Variants in SYNPR observed in about 807,000 individuals in gnomAD.
The protein encoded by SYNPR is synaptoporin.
In SYNPR, 23 loss-of-function variants were observed where a neutral mutation model predicts 32.9. The observed-to-expected ratio is 0.70, with a 90% CI of 0.50 to 0.99. The LOEUF (loss-of-function observed/expected upper bound fraction) is 0.99. Among genes scored for constraint, SYNPR ranks in the 50% least tolerant of loss-of-function variants. The pLI is 0.00. For synonymous variants in SYNPR, 146 were observed against 135.9 expected, an observed-to-expected ratio of 1.07 and a Z score of -0.52; for missense variants, 318 against 349.3, an observed-to-expected ratio of 0.91 and a Z score of 0.71.
chr3:63,344,738 G>A (rs1575604726), intron 2 of SYNPR, among the ~76,000 whole-genome samples: 3 of 151,784 alleles, frequency 2.0e-5, no homozygotes, highest in South Asian at 4.2e-4. Flanking sequence ...ATGCAGAGCC[G>A]GCCAAGTGGA....
At chr3:63,530,131 TAGG>T (rs1185334997) in intron 3 of SYNPR, among the ~76,000 whole-genome samples, 1 of 151,858 alleles carries the variant, frequency 6.6e-6, no homozygotes, top group African/African-American at 2.4e-5. Context: ...AAAAACACCC[TAGG>T]AGATGTGAGA....
At chr3:63,555,743 A>AT (rs1702585320) in intron 3 of SYNPR, among the ~76,000 whole-genome samples, 2 of 152,176 alleles carry the variant, frequency 1.3e-5, no homozygotes, top group Admixed American at 6.5e-5. Context: ...AAAAAATGTC[A>AT]GGTGTTTGGG....
chr3:63,511,506 A>G (rs532908467), intron 3 of SYNPR, among the ~76,000 whole-genome samples: 1 of 152,286 alleles, frequency 6.6e-6, no homozygotes, highest in African/African-American at 2.4e-5. Flanking sequence ...TTGGATCCCT[A>G]TAATGCACGT....
intron 2 of SYNPR, among the ~76,000 whole-genome samples, chr3:63,368,353 C>A (rs2087752476): frequency 6.6e-6 from 1 of 152,024 alleles, no homozygotes; most frequent in Non-Finnish European, 1.5e-5. Context: ...AGAAAGAGTG[C>A]AAGAAAGGGC....
chr3:63,325,646 C>T (rs145142672), intron 2 of SYNPR, among the ~76,000 whole-genome samples: 1,674 of 152,132 alleles, frequency 0.011, 39 homozygotes, highest in African/African-American at 0.039. Flanking sequence ...CAACACACTC[C>T]AAATGGAGAC....
chr3:63,240,895 G>A (rs905207633), intron 1 of SYNPR, among the ~76,000 whole-genome samples: 5 of 152,092 alleles, frequency 3.3e-5, no homozygotes, highest in African/African-American at 1.2e-4. Flanking sequence ...ATCCCACTGT[G>A]CCATGAGACT....
chr3:63,384,286 G>A (rs1034604109), intron 2 of SYNPR, among the ~76,000 whole-genome samples: 1 of 152,098 alleles, frequency 6.6e-6, no homozygotes, highest in East Asian at 1.9e-4. Context: ...AGCATCTAGT[G>A]GAATGAGTGC....
chr3:63,577,381 A>G (rs944136229), intron 4 of SYNPR, among the ~76,000 whole-genome samples: 6 of 152,216 alleles, frequency 3.9e-5, no homozygotes, highest in South Asian at 2.1e-4. Context: ...TTGGTTCACC[A>G]AGACCCACAT....
chr3:63,241,715 C>T (rs190113594), intron 1 of SYNPR, among the ~76,000 whole-genome samples: 6 of 152,168 alleles, frequency 3.9e-5, no homozygotes, highest in East Asian at 3.9e-4. Flanking sequence ...CAGGCAATAA[C>T]GAGCCACTCA....
intron 2 of SYNPR, among the ~76,000 whole-genome samples, chr3:63,347,794 A>G (rs929897160): frequency 1.3e-5 from 2 of 152,012 alleles, no homozygotes; most frequent in African/African-American, 4.8e-5. Context: ...TTGCTGCAAA[A>G]GACATGATTT....
At chr3:63,349,906 G>C (rs1410509043) in intron 2 of SYNPR, among the ~76,000 whole-genome samples, 1 of 151,962 alleles carries the variant, frequency 6.6e-6, no homozygotes, top group Non-Finnish European at 1.5e-5. Flanking sequence ...TTTTAACAAA[G>C]GCAAATGCAA....
chr3:63,223,468 C>A (rs142452842), upstream of SYNPR, among the ~76,000 whole-genome samples: 4 of 151,886 alleles, frequency 2.6e-5, no homozygotes, highest in Non-Finnish European at 4.4e-5. Context: ...TGGTGGGAGA[C>A]GGGCTTGGTA....
chr3:63,236,558 A>G (rs2086202538), intron 1 of SYNPR, among the ~76,000 whole-genome samples: 1 of 152,084 alleles, frequency 6.6e-6, no homozygotes, highest in Admixed American at 6.6e-5. Flanking sequence ...CTAGGTTAAC[A>G]TGTTGTAATA....
chr3:63,615,662 C>A lies in SYNPR; in HGVS notation c.*181C>A. 1 of 732,880 alleles carries A rather than the reference C, an allele frequency of 1.4e-6. No individual in the cohort carries two copies. Among genetic ancestry groups the A allele is most frequent in the Non-Finnish European group, 2.1e-6 (1 of 468,110 alleles). 45.4% of individuals were successfully genotyped at this position (732,880 alleles called of 1,614,324 possible). On this transcript the variant is annotated 3_prime_UTR_variant, in exon 6 of 6. Coordinates refer to ENST00000478300, the MANE Select transcript of SYNPR (RefSeq NM_001130003.2). ...TGAAAAATGATACTTAGAGATGAGG[C>A]GACATGAGGAGATATATTATTCATC...
At chr3:63,548,356 C>T (rs1339306813) in intron 3 of SYNPR, among the ~76,000 whole-genome samples, 1 of 151,858 alleles carries the variant, frequency 6.6e-6, no homozygotes, top group African/African-American at 2.4e-5. Context: ...TCCAACTTCC[C>T]TATCTGCATA....
chr3:63,522,473 A>G lies in SYNPR; in HGVS notation c.210-34070A>G, dbSNP rs184526150. Among the ~76,000 whole-genome samples the G allele has an allele frequency of 4.8e-3, 735 of 152,368 alleles. 16 individuals carry two copies. The highest frequency in any genetic ancestry group is 0.042 in the Admixed American group (636 of 15,302). On this transcript the variant is annotated intron_variant, in intron 3 of 5. Transcript: ENST00000478300. ...TAAGGGGATTATTGAAAGCAAAGCC[A>G]ATGAAACTACATCATATAATGATTG...
intron 2 of SYNPR, among the ~76,000 whole-genome samples, chr3:63,319,665 T>C (rs1396122283): frequency 1.3e-5 from 2 of 152,042 alleles, no homozygotes. Flanking sequence ...TGTTCATGCA[T>C]TGAAAAAAAA....
chr3:63,225,715 A>G (rs1235286980), upstream of SYNPR, among the ~76,000 whole-genome samples: 1 of 152,204 alleles, frequency 6.6e-6, no homozygotes, highest in Non-Finnish European at 1.5e-5. Flanking sequence ...AAACACAGAG[A>G]AAACAATTCC....
intron 1 of SYNPR, among the ~76,000 whole-genome samples, chr3:63,243,802 G>C (rs963533600): frequency 6.6e-6 from 1 of 152,030 alleles, no homozygotes; most frequent in African/African-American, 2.4e-5. Flanking sequence ...GAAAAGCTAT[G>C]TTTTTAACCA....
Sources: gnomAD v4.1 joint callset for allele counts (sites outside exome capture counted in the v4.1 genomes callset) on GRCh38, gnomAD v4.1.1 for gene constraint, MANE v1.5 for transcripts, NCBI Gene and HGNC (gene_info 2026-07-23, HGNC 2026-07-21) for gene names.